The following BPTF variants were observed in gnomAD, a reference collection of about 807,000 sequenced individuals.
BPTF encodes the protein nucleosome-remodeling factor subunit BPTF.
A neutral mutation model predicts 292.5 loss-of-function variants in BPTF; 18 were observed. That is an observed-to-expected ratio of 0.06 (90% CI 0.04 to 0.09). The LOEUF (loss-of-function observed/expected upper bound fraction) is 0.09. Ranked by LOEUF, BPTF falls within the 10% of genes least tolerant of loss-of-function variation. The pLI, the probability that BPTF is intolerant of heterozygous loss-of-function variation, is 1.00. For missense variants in BPTF, 2,726 were observed against 3,498.7 expected (o/e 0.78, Z 5.57); for synonymous variants, 1,225 against 1,251.9 (o/e 0.98, Z 0.45).
intron 2 of BPTF, among the ~76,000 whole-genome samples, chr17:67,860,971 T>A (rs539557611): frequency 5.6e-4 from 85 of 152,342 alleles, no homozygotes; most frequent in African/African-American, 2.0e-3. Context: ...ATTAACTTAC[T>A]GACTTCCCGT....
chr17:67,866,707 A>G lies in BPTF; in HGVS notation c.1660+20A>G. ...CTAATGGTGAGAGGGGCATTTTCTCATTTTATTTTTGTTAAGTCTGAGCTA... is the reference window on the plus strand; with the variant it reads ...CTAATGGTGAGAGGGGCATTTTCTCGTTTTATTTTTGTTAAGTCTGAGCTA... On this transcript the variant is annotated intron_variant, in intron 3 of 27. Transcript: ENST00000306378. The G allele has an allele frequency of 6.3e-7, 1 of 1,589,714 alleles. No individual in the cohort carries two copies.
At chr17:67,965,568 G>A (rs1170014317) in intron 25 of BPTF, 2 of 149,398 alleles carry the variant, frequency 1.3e-5, no homozygotes, top group African/African-American at 2.5e-5. Context: ...CAGGTACGGT[G>A]GTGCACACCT....
chr17:67,866,427 T>A (rs758499462), intron 2 of BPTF, 37 bp from the exon 3 acceptor site: 30 of 1,472,090 alleles, frequency 2.0e-5, no homozygotes, highest in Non-Finnish European at 2.8e-5. Flanking sequence ...TGGCATTATG[T>A]CTAACATATA....
chr17:67,952,389 G>T (rs2066462639), intron 23 of BPTF, among the ~76,000 whole-genome samples: 1 of 151,008 alleles, frequency 6.6e-6, no homozygotes, highest in Admixed American at 6.6e-5. Flanking sequence ...TCAGCCTCCT[G>T]AGCATCTGGG....
At chr17:67,950,865 T>G (rs2148058242) in intron 23 of BPTF, 1 of 151,138 alleles carries the variant, frequency 6.6e-6, no homozygotes, top group African/African-American at 2.4e-5. Flanking sequence ...TTCAGTAACG[T>G]AGTCAGTTAC....
intron 1 of BPTF, among the ~76,000 whole-genome samples, chr17:67,836,815 A>G (rs1025389819): frequency 6.6e-6 from 1 of 152,198 alleles, no homozygotes; most frequent in Non-Finnish European, 1.5e-5. Context: ...TCTCCACCTT[A>G]TGACTGTACT....
At chr17:67,875,791 C>T (rs1362598058) in intron 4 of BPTF, 2 of 1,382,652 alleles carry the variant, frequency 1.4e-6, no homozygotes, top group Non-Finnish European at 9.5e-7. Flanking sequence ...GGGAATCCTT[C>T]CCTTTTGTAG....
rs374963794 is a variant in BPTF, at chr17:67,953,118, C to T, written c.7926+4812C>T. Reference sequence around the variant, plus strand: ...CTGGGACTACAGGCGCAGGCTGCAACGCCTGGCTAGTTTTTTGTATTTTTA... The same window carrying T: ...CTGGGACTACAGGCGCAGGCTGCAATGCCTGGCTAGTTTTTTGTATTTTTA... On this transcript the variant is annotated intron_variant, in intron 23 of 27. Coordinates refer to ENST00000306378, the MANE Select transcript of BPTF (RefSeq NM_182641.4). Among the ~76,000 whole-genome samples, 9 of 152,002 alleles carry T rather than the reference C, an allele frequency of 5.9e-5. No individual in the cohort carries two copies. The South Asian group carries it at 8.3e-4, about 14-fold the overall frequency.
chr17:67,960,029 C>G, intron 24 of BPTF, 154 bp downstream of exon 24: 1 of 599,262 alleles, frequency 1.7e-6, no homozygotes, highest in South Asian at 2.9e-5. Context: ...GATATTCTTA[C>G]CATTGACGCT....
chr17:67,924,862 C>T (rs1568087544), intron 15 of BPTF, among the ~76,000 whole-genome samples: 1 of 151,984 alleles, frequency 6.6e-6, no homozygotes, highest in African/African-American at 2.4e-5. Flanking sequence ...TTCAAGCGGT[C>T]CTCAGCCTCC....
At chr17:67,951,733 C>T (rs2066378373) in intron 23 of BPTF, 1 of 151,940 alleles carries the variant, frequency 6.6e-6, no homozygotes, top group Non-Finnish European at 1.5e-5. Context: ...TATACAGAAA[C>T]AATCTAACGA....
rs1251834810 is a variant in BPTF at position 67,945,680 on chromosome 17, A to G, written c.6972A>G (p.Gln2324=). 6.2e-6 allele frequency: 10 copies of G among 1,614,026 alleles called. No individual in the cohort carries two copies. Among genetic ancestry groups the G allele is most frequent in the African/African-American group, 1.3e-5 (1 of 74,916 alleles). ...QPTHAQSSKP[Q]VAAQSQPQSN... is the part of the protein sequence containing the mutation. ...CCCACGCACAGTCATCCAAGCCCCA[A>G]GTTGCAGCACAGTCTCAGCCTCAAA... The change falls in exon 21 of 28, where the codon CAA becomes CAG. Residue 2324 remains glutamine, a synonymous_variant. Transcript: ENST00000306378.
At chr17:67,910,300 G>C (rs546392127) in intron 10 of BPTF, among the ~76,000 whole-genome samples, 8 of 152,216 alleles carry the variant, frequency 5.3e-5, no homozygotes, top group African/African-American at 1.9e-4. Context: ...TTGGCTATAC[G>C]AATAATGCTG....
At chr17:67,871,342 T>C (rs2059720335) in intron 3 of BPTF, among the ~76,000 whole-genome samples, 1 of 148,984 alleles carries the variant, frequency 6.7e-6, no homozygotes, top group African/African-American at 2.5e-5. Context: ...CTCGGGAAGC[T>C]GAGGCAGGAG....
At chr17:67,975,566 A>G in intron 26 of BPTF, 1 of 487,640 alleles carries the variant, frequency 2.1e-6, no homozygotes, top group Non-Finnish European at 3.6e-6. Context: ...AGCAACCCGG[A>G]TTTATATTTT....
intron 24 of BPTF, 107 bp from the exon 25 acceptor site, chr17:67,964,105 A>G: frequency 8.9e-7 from 1 of 1,119,684 alleles, no homozygotes; most frequent in Admixed American, 2.3e-5. Flanking sequence ...CATAATACTA[A>G]AACTATTTTA....
At chr17:67,916,868 G>C (rs1248609363) in intron 11 of BPTF, among the ~76,000 whole-genome samples, 1 of 151,052 alleles carries the variant, frequency 6.6e-6, no homozygotes, top group African/African-American at 2.4e-5. Flanking sequence ...TTATTTTATA[G>C]CCTTTGTCTA....
In BPTF at chr17:67,911,910, T is replaced by C. The variant is rs2062678824; in HGVS notation, c.4026T>C (p.Thr1342=). ...GTGAGTTGGTTTCTGGTGAGTCCAC[T>C]GGAAACTGTGAGGACAGGCTGCCGG... ...LKCELVSGES[T]GNCEDRLPVK... The change falls in exon 11 of 28, where the codon ACT becomes ACC. Residue 1342 remains threonine, a synonymous_variant. Coordinates refer to ENST00000306378, the MANE Select transcript of BPTF (RefSeq NM_182641.4). The C allele has an allele frequency of 2.5e-6, 4 of 1,613,938 alleles. No homozygotes were observed. Among genetic ancestry groups the C allele is most frequent in the African/African-American group, 1.3e-5 (1 of 74,908 alleles).
intron 1 of BPTF, among the ~76,000 whole-genome samples, chr17:67,851,513 A>G (rs940940304): frequency 2.6e-5 from 4 of 152,262 alleles, no homozygotes; most frequent in Non-Finnish European, 4.4e-5. Flanking sequence ...TGCAAGCAGC[A>G]TGTTTTAAAA....
Sources: allele counts gnomAD v4.1 joint callset (sites outside exome capture counted in the v4.1 genomes callset), GRCh38; gene constraint gnomAD v4.1.1; transcripts MANE v1.5; gene names NCBI Gene and HGNC (gene_info 2026-07-23, HGNC 2026-07-21).